Variants in SKIC2 observed in about 807,000 individuals in gnomAD.
The protein encoded by SKIC2 is superkiller complex protein 2.
At chr6:31,961,239 G>C in the SKIC2 span, 1 of 1,613,270 alleles carries the variant, frequency 6.2e-7, no homozygotes, top group Middle Eastern at 1.7e-4. Context: ...TTAGCTGTAT[G>C]TTGGAGCCTC....
At chr6:31,960,263 C>T in the SKIC2 span, 6 of 1,613,080 alleles carry the variant, frequency 3.7e-6, no homozygotes, top group South Asian at 1.1e-5. Context: ...TTTGGCTGTC[C>T]TGGGAGCCCC....
the SKIC2 span, chr6:31,963,627 T>C: frequency 2.0e-6 from 3 of 1,535,158 alleles, no homozygotes; most frequent in Non-Finnish European, 2.6e-6. This position sits in a 1 kb window ranked among gnomAD's most constrained non-coding sequence, Gnocchi z 5.3. Context: ...TACCCCTCCC[T>C]GTGCCCCAGG....
chr6:31,969,480 G>C, the SKIC2 span: 1 of 1,613,698 alleles, frequency 6.2e-7, no homozygotes, highest in South Asian at 1.1e-5. The surrounding 1 kb of genome is among the most constrained non-coding windows in gnomAD (Gnocchi z 6.1). Flanking sequence ...TGCCCAGGCT[G>C]AGTGCATCCA....
chr6:31,961,643 T>C, the SKIC2 span: 2 of 1,612,892 alleles, frequency 1.2e-6, no homozygotes, highest in Non-Finnish European at 1.7e-6. Context: ...TGTTGGTGAT[T>C]TCTATCGCCT....
At chr6:31,966,410 C>T in the SKIC2 span, among the ~76,000 whole-genome samples, 1 of 152,140 alleles carries the variant, frequency 6.6e-6, no homozygotes, top group East Asian at 1.9e-4. This position sits in a 1 kb window ranked among gnomAD's most constrained non-coding sequence, Gnocchi z 5.9. Context: ...CCAACTTCCT[C>T]CGACTTTTTT....
At chr6:31,966,593 G>A in the SKIC2 span, 1 of 1,058,236 alleles carries the variant, frequency 9.4e-7, no homozygotes, top group Non-Finnish European at 1.4e-6. This position sits in a 1 kb window ranked among gnomAD's most constrained non-coding sequence, Gnocchi z 5.9. Flanking sequence ...TTTGTCCAAG[G>A]CCCCATGGTT....
chr6:31,962,435 C>T, the SKIC2 span: 1 of 1,614,012 alleles, frequency 6.2e-7, no homozygotes, highest in East Asian at 2.2e-5. This position sits in a 1 kb window ranked among gnomAD's most constrained non-coding sequence, Gnocchi z 5.0. Context: ...TGCTCTCTTC[C>T]CAGCACCATC....
the SKIC2 span, chr6:31,967,515 T>C: frequency 6.3e-6 from 5 of 791,304 alleles, no homozygotes; most frequent in Non-Finnish European, 1.0e-5. The surrounding 1 kb of genome is among the most constrained non-coding windows in gnomAD (Gnocchi z 4.9). Context: ...ACCCTCTCCC[T>C]TCCCATCACC....
chr6:31,960,971 T>C, the SKIC2 span: 2 of 1,163,392 alleles, frequency 1.7e-6, no homozygotes, highest in South Asian at 2.5e-5. Flanking sequence ...TGGTATCTTT[T>C]AGGTTTATAT....
chr6:31,960,609 C>A, the SKIC2 span: 1 of 1,582,274 alleles, frequency 6.3e-7, no homozygotes, highest in Non-Finnish European at 8.7e-7. Context: ...AAGGGTTCCC[C>A]ACCTATCTCG....
chr6:31,967,736 A>G, the SKIC2 span: 1 of 1,612,894 alleles, frequency 6.2e-7, no homozygotes, highest in African/African-American at 1.3e-5. The surrounding 1 kb of genome is among the most constrained non-coding windows in gnomAD (Gnocchi z 4.9). Context: ...CTCCACCAGC[A>G]GAGTATTCAC....
the SKIC2 span, chr6:31,969,635 G>T: frequency 6.2e-7 from 1 of 1,612,398 alleles, no homozygotes; most frequent in Non-Finnish European, 8.5e-7. The surrounding 1 kb of genome is among the most constrained non-coding windows in gnomAD (Gnocchi z 6.1). Context: ...AGGAGAGCCT[G>T]TGCTGGGTGC....
the SKIC2 span, chr6:31,961,571 C>G: frequency 6.2e-7 from 1 of 1,612,122 alleles, no homozygotes; most frequent in Non-Finnish European, 8.5e-7. Flanking sequence ...TGTATCCACC[C>G]CAGAGGCCCC....
At chr6:31,968,578 G>A in the SKIC2 span, 2 of 1,580,012 alleles carry the variant, frequency 1.3e-6, no homozygotes, top group Non-Finnish European at 1.7e-6. The surrounding 1 kb of genome is among the most constrained non-coding windows in gnomAD (Gnocchi z 6.1). Flanking sequence ...GGGAGTAGGG[G>A]CTTTTCCTCT....
the SKIC2 span, chr6:31,969,617 C>T: frequency 3.7e-6 from 6 of 1,612,896 alleles, no homozygotes; most frequent in Non-Finnish European, 3.4e-6. This position sits in a 1 kb window ranked among gnomAD's most constrained non-coding sequence, Gnocchi z 6.1. Context: ...GGGGGCAGCC[C>T]GCCTGGTAGG....
At chr6:31,962,900 AC>A in the SKIC2 span, 2 of 1,319,350 alleles carry the variant, frequency 1.5e-6, no homozygotes, top group Non-Finnish European at 2.2e-6. This position sits in a 1 kb window ranked among gnomAD's most constrained non-coding sequence, Gnocchi z 5.0. Context: ...TGCTTTCTTT[AC>A]CCCCATATGG....
the SKIC2 span, chr6:31,965,749 C>T: frequency 7.3e-7 from 1 of 1,371,640 alleles, no homozygotes; most frequent in South Asian, 1.2e-5. This position sits in a 1 kb window ranked among gnomAD's most constrained non-coding sequence, Gnocchi z 5.6. Flanking sequence ...TATGTAGAGC[C>T]TTTGCTGATC....
the SKIC2 span, chr6:31,960,278 C>T: frequency 6.2e-7 from 1 of 1,613,292 alleles, no homozygotes; most frequent in East Asian, 2.2e-5. Context: ...AGCCCCAGTC[C>T]CATCCGACCT....
At chr6:31,966,407 C>T in the SKIC2 span, among the ~76,000 whole-genome samples, 2 of 152,156 alleles carry the variant, frequency 1.3e-5, no homozygotes, top group Admixed American at 6.5e-5. The surrounding 1 kb of genome is among the most constrained non-coding windows in gnomAD (Gnocchi z 5.9). Flanking sequence ...CGCCCAACTT[C>T]CTCCGACTTT....
Sources: allele counts gnomAD v4.1 joint callset (sites outside exome capture counted in the v4.1 genomes callset), GRCh38; gene constraint gnomAD v4.1.1; non-coding constraint Gnocchi (gnomAD v3.1); transcripts MANE v1.5; gene names NCBI Gene and HGNC (gene_info 2026-07-23, HGNC 2026-07-21).